The following NXPH1 variants were observed in gnomAD, a reference collection of about 807,000 sequenced individuals.
NXPH1 encodes neurexophilin 1.
Under a neutral mutation model 23.7 loss-of-function variants are expected in NXPH1, and 5 were observed. The ratio of observed to expected loss-of-function variants is 0.21; its 90% CI spans 0.11 to 0.44. The LOEUF is 0.44. Ranked by LOEUF, NXPH1 falls within the 20% of genes least tolerant of loss-of-function variation. The pLI is 0.99. For synonymous variants in NXPH1, 144 were observed against 122.2 expected, an observed-to-expected ratio of 1.18 and a Z score of -1.18; for missense variants, 324 against 321.6, an observed-to-expected ratio of 1.01 and a Z score of -0.06.
chr7:8,579,067 A>G (rs1818812769), intron 2 of NXPH1, among the ~76,000 whole-genome samples: 1 of 152,304 alleles, frequency 6.6e-6, no homozygotes, highest in Non-Finnish European at 1.5e-5. Flanking sequence ...ACCACTCAGT[A>G]CCACATGTTT....
intron 2 of NXPH1, among the ~76,000 whole-genome samples, chr7:8,700,412 A>G (rs1321426981): frequency 6.6e-6 from 1 of 152,076 alleles, no homozygotes; most frequent in African/African-American, 2.4e-5. Flanking sequence ...ATGAAACATC[A>G]TTTGCTTCTT....
intron 2 of NXPH1, among the ~76,000 whole-genome samples, chr7:8,449,514 G>T (rs1015451877): frequency 1.3e-4 from 19 of 151,952 alleles, no homozygotes; most frequent in Non-Finnish European, 1.5e-5. Flanking sequence ...TTAATATTAG[G>T]TCATATTAAT....
chr7:8,563,991 G>C (rs1381131839), intron 2 of NXPH1, among the ~76,000 whole-genome samples: 1 of 151,742 alleles, frequency 6.6e-6, no homozygotes, highest in East Asian at 2.0e-4. Flanking sequence ...ATTTGAATAG[G>C]GTAGAATATA....
At chr7:8,566,881 C>A (rs951237191) in intron 2 of NXPH1, among the ~76,000 whole-genome samples, 2 of 151,696 alleles carry the variant, frequency 1.3e-5, no homozygotes, top group African/African-American at 4.8e-5. Flanking sequence ...ATCTATCTAT[C>A]TACTGTTAGT....
chr7:8,461,843 A>AAG (rs1554423597), intron 2 of NXPH1, among the ~76,000 whole-genome samples: 1 of 121,452 alleles, frequency 8.2e-6, no homozygotes, highest in Non-Finnish European at 1.7e-5. Context: ...TCTCAAAAAA[A>AAG]AAAAAAAAGA....
rs1820807807 is a variant in NXPH1 at position 8,668,159 on chromosome 7, T to G, written c.55-82849T>G. 2.6e-5 allele frequency among the ~76,000 whole-genome samples: 4 copies of G among 152,096 alleles called. No homozygotes were observed. In the South Asian group the frequency reaches 8.3e-4, roughly 32 times the overall value. On this transcript the variant is annotated intron_variant, in intron 2 of 2. Coordinates refer to ENST00000405863, the MANE Select transcript of NXPH1 (RefSeq NM_152745.3). ...AGTGTTCCAGACTTTCTTAAAATAA[T>G]TATTTTGAATTATTTGTTAGACAGT...
rs528246891 is a variant in NXPH1, at chr7:8,683,966, A to G, written c.55-67042A>G. Among the ~76,000 whole-genome samples, 5 of 152,316 alleles carry G rather than the reference A, an allele frequency of 3.3e-5. No homozygotes were observed. The South Asian group carries it at 6.2e-4, about 19-fold the overall frequency. The stretch of plus-strand genomic sequence containing the variant: ...TATGAGTCTGCTTTATAGAGATGGC[A>G]TCTGTGTTGCATACTAAAGTTCAGG... On this transcript the variant is annotated intron_variant, in intron 2 of 2. Coordinates refer to ENST00000405863, the MANE Select transcript of NXPH1 (RefSeq NM_152745.3).
At chr7:8,522,096 G>C (rs1436230633) in intron 2 of NXPH1, among the ~76,000 whole-genome samples, 3 of 152,152 alleles carry the variant, frequency 2.0e-5, no homozygotes, top group Non-Finnish European at 4.4e-5. Context: ...GTTCTTAAGA[G>C]GCATTGTTTC....
intron 2 of NXPH1, among the ~76,000 whole-genome samples, chr7:8,464,755 GT>G (rs34571106): frequency 3.3e-5 from 5 of 151,000 alleles, no homozygotes; most frequent in Non-Finnish European, 7.4e-5. Flanking sequence ...TGCGTGTAGT[GT>G]TTTTTTTTGT....
intron 2 of NXPH1, among the ~76,000 whole-genome samples, chr7:8,608,464 T>G (rs546287475): frequency 2.4e-4 from 37 of 152,116 alleles, no homozygotes; most frequent in African/African-American, 8.2e-4. Context: ...CCACTCCTGA[T>G]TAGCTGGGAC....
chr7:8,495,453 A>G (rs570338686), intron 2 of NXPH1, among the ~76,000 whole-genome samples: 8 of 152,120 alleles, frequency 5.3e-5, no homozygotes, highest in Non-Finnish European at 8.8e-5. Context: ...GACACATAAA[A>G]TTTGCCATCA....
At chr7:8,711,963 T>A (rs966287924) in intron 2 of NXPH1, among the ~76,000 whole-genome samples, 2 of 152,220 alleles carry the variant, frequency 1.3e-5, no homozygotes, top group African/African-American at 4.8e-5. Context: ...GGCAATTATG[T>A]TCACATTATC....
At chr7:8,511,308 T>C (rs140406490) in intron 2 of NXPH1, among the ~76,000 whole-genome samples, 3 of 152,222 alleles carry the variant, frequency 2.0e-5, no homozygotes, top group East Asian at 3.9e-4. Flanking sequence ...TTCTTTTCCA[T>C]AGAGGCCACA....
intron 2 of NXPH1, among the ~76,000 whole-genome samples, chr7:8,690,908 A>G (rs554751470): frequency 3.4e-4 from 52 of 152,254 alleles, no homozygotes; most frequent in African/African-American, 1.2e-3. Flanking sequence ...ATTTGTTCAT[A>G]GGATCTTGCA....
At chr7:8,666,946 T>C (rs1820780785) in intron 2 of NXPH1, among the ~76,000 whole-genome samples, 1 of 152,042 alleles carries the variant, frequency 6.6e-6, no homozygotes. Context: ...AATTTTATTA[T>C]CTTTTAATTT....
intron 2 of NXPH1, among the ~76,000 whole-genome samples, chr7:8,595,936 A>C (rs1312922412): frequency 6.6e-6 from 1 of 152,026 alleles, no homozygotes; most frequent in African/African-American, 2.4e-5. Context: ...AGGTTAAGTG[A>C]TTTTTAAGTT....
At chr7:8,449,279 G>A (rs114117263) in intron 2 of NXPH1, among the ~76,000 whole-genome samples, 154 of 152,294 alleles carry the variant, frequency 1.0e-3, no homozygotes, top group African/African-American at 3.7e-3. Flanking sequence ...GTTACCCTAT[G>A]CCCCCTTCCA....
At chr7:8,447,926 TATC>T (rs1298576099) in intron 2 of NXPH1, among the ~76,000 whole-genome samples, 1 of 152,144 alleles carries the variant, frequency 6.6e-6, no homozygotes, top group Non-Finnish European at 1.5e-5. Flanking sequence ...AGGTGGATAA[TATC>T]ATGGCACCCA....
chr7:8,743,492 A>G (rs1780404629), intron 2 of NXPH1, among the ~76,000 whole-genome samples: 1 of 152,136 alleles, frequency 6.6e-6, no homozygotes, highest in Non-Finnish European at 1.5e-5. Context: ...TTGAAGTGGG[A>G]GTGAAGTCGA....
Sources: allele counts gnomAD v4.1 joint callset (sites outside exome capture counted in the v4.1 genomes callset), GRCh38; gene constraint gnomAD v4.1.1; transcripts MANE v1.5; gene names NCBI Gene and HGNC (gene_info 2026-07-23, HGNC 2026-07-21).